Variants in AP1M1 observed in about 807,000 individuals in gnomAD.
AP1M1 encodes the protein adaptor related protein complex 1 subunit mu 1.
AP1M1 carries 18 observed loss-of-function variants against 57.1 expected under a neutral mutation model. That is an observed-to-expected ratio of 0.32 (90% CI 0.22 to 0.47). The LOEUF (loss-of-function observed/expected upper bound fraction) is 0.47. Among genes scored for constraint, AP1M1 ranks in the 20% least tolerant of loss-of-function variants. The probability of loss-of-function intolerance (pLI) is 1.00; values close to 1 mark genes in which losing one functional copy is unlikely to be tolerated. For missense variants in AP1M1, 362 were observed against 593.5 expected, an observed-to-expected ratio of 0.61 and a Z score of 4.05; for synonymous variants, 241 against 237.9, an observed-to-expected ratio of 1.01 and a Z score of -0.12.
At chr19:16,217,984 A>G (rs532131511) in intron 5 of AP1M1, among the ~76,000 whole-genome samples, 1 of 152,218 alleles carries the variant, frequency 6.6e-6, no homozygotes, top group Non-Finnish European at 1.5e-5. Flanking sequence ...TCAGTTTGCC[A>G]TTGCCGTGGC....
intron 11 of AP1M1, 43 bp from the exon 12 acceptor site, chr19:16,234,370 G>A (rs1372779481): frequency 6.2e-7 from 1 of 1,613,828 alleles, no homozygotes; most frequent in African/African-American, 1.3e-5. Flanking sequence ...CGAAAGCAGG[G>A]AGGGTGCAGA....
intron 5 of AP1M1, among the ~76,000 whole-genome samples, chr19:16,218,454 A>G (rs1599460323): frequency 6.6e-6 from 1 of 151,630 alleles, no homozygotes; most frequent in Non-Finnish European, 1.5e-5. Flanking sequence ...AGTTCAATTC[A>G]CCCCCTCCAC....
At chr19:16,232,691 T>C (rs2091604209) in intron 9 of AP1M1, among the ~76,000 whole-genome samples, 1 of 152,192 alleles carries the variant, frequency 6.6e-6, no homozygotes, top group South Asian at 2.1e-4. Context: ...GGACCGCCCC[T>C]GCTGTGAGGC....
rs979114250 is a variant in AP1M1 at position 16,244,624 on chromosome 19, A to C, written c.*10189A>C. 3 of 152,044 alleles carry C rather than the reference A, an allele frequency of 2.0e-5. No individual in the cohort carries two copies. Among genetic ancestry groups the C allele is most frequent in the Non-Finnish European group, 4.4e-5 (3 of 68,030 alleles). The allele number at this position is 152,044 out of a possible 1,614,324, so 9.4% of individuals were successfully genotyped here. A position where few individuals can be genotyped will look rare whatever the true frequency, so the allele number is the denominator to read the frequency against. ...GGCGGGCGGATCACGAGGTCAGGAGATCGAGACCATCCTGGCTAACACGGT... is the reference window on the plus strand; with the variant it reads ...GGCGGGCGGATCACGAGGTCAGGAGCTCGAGACCATCCTGGCTAACACGGT... On this transcript the variant is annotated 3_prime_UTR_variant, in exon 12 of 12. Transcript: ENST00000291439.
At chr19:16,234,392 C>G in intron 11 of AP1M1, 21 bp from the exon 12 acceptor site, 1 of 1,613,958 alleles carries the variant, frequency 6.2e-7, no homozygotes, top group Non-Finnish European at 8.5e-7. Context: ...CCCAGCATGA[C>G]GCCTCCCTCC....
rs952827546 is a variant in AP1M1 at position 16,237,917 on chromosome 19, C to T, written c.*3482C>T. On this transcript the variant is annotated 3_prime_UTR_variant, in exon 12 of 12. Transcript: ENST00000291439. Reference sequence around the variant, plus strand: ...AGTGCAGTGGCGTGATCACGGCTCACTGCAGCCTCGAGCTGCCAGGCTCAG... The same window carrying T: ...AGTGCAGTGGCGTGATCACGGCTCATTGCAGCCTCGAGCTGCCAGGCTCAG... The T allele has an allele frequency of 6.6e-6, 1 of 151,984 alleles. No homozygotes were observed. Among genetic ancestry groups the T allele is most frequent in the African/African-American group, 2.4e-5 (1 of 41,400 alleles). 9.4% of individuals were successfully genotyped at this position (151,984 alleles called of 1,614,324 possible).
At position 16,203,297 on chromosome 19, in the gene AP1M1, G is replaced by A. The variant is rs1047516597; in HGVS notation, c.43-162G>A. 5.9e-5 allele frequency among the ~76,000 whole-genome samples: 9 copies of A among 152,210 alleles called. No homozygotes were observed. Among genetic ancestry groups the A allele is most frequent in the African/African-American group, 1.9e-4 (8 of 41,454 alleles). On this transcript the variant is annotated intron_variant, in intron 1 of 11. Coordinates refer to ENST00000291439, the MANE Select transcript of AP1M1 (RefSeq NM_032493.4). This position sits in a 1 kb window ranked among gnomAD's most constrained non-coding sequence, Gnocchi z 4.6. ...TGCTCTTCTCCAGGAATTCCCTGGG[G>A]GATGGAGATCAGAACGGCCTCAAGT...
intron 1 of AP1M1, among the ~76,000 whole-genome samples, chr19:16,200,454 C>T (rs1277651123): frequency 6.6e-6 from 1 of 152,146 alleles, no homozygotes; most frequent in Non-Finnish European, 1.5e-5. Context: ...GTGAGGAGAC[C>T]GTAGCCCAGA....
intron 2 of AP1M1, among the ~76,000 whole-genome samples, chr19:16,205,304 C>G (rs966737118): frequency 2.0e-5 from 3 of 152,192 alleles, no homozygotes; most frequent in Non-Finnish European, 4.4e-5. Flanking sequence ...GCTCACCCCT[C>G]TGGCTTAGTG....
chr19:16,212,429 G>C (rs1042410973), intron 5 of AP1M1, among the ~76,000 whole-genome samples: 3 of 152,168 alleles, frequency 2.0e-5, no homozygotes, highest in African/African-American at 4.8e-5. Context: ...TTGTAGTTCT[G>C]TGGGGTCAAT....
intron 5 of AP1M1, among the ~76,000 whole-genome samples, chr19:16,220,563 G>A (rs1179756022): frequency 2.0e-5 from 3 of 152,094 alleles, no homozygotes; most frequent in African/African-American, 7.2e-5. Flanking sequence ...GGTAATTTTT[G>A]TATTTTTGGT....
intron 2 of AP1M1, among the ~76,000 whole-genome samples, chr19:16,205,698 C>T (rs2091466678): frequency 6.6e-6 from 1 of 152,200 alleles, no homozygotes; most frequent in African/African-American, 2.4e-5. Flanking sequence ...ATAGGAAGCG[C>T]CCAGCACACA....
rs376660303 is a variant in AP1M1 at position 16,206,338 on chromosome 19, C to T, written c.200-3C>T. ...ATGCTCCTTAACTGTGGCCGCCATG[C>T]AGTGGTTGCCACATCCAAGAAGAAC... On this transcript the variant is annotated splice_polypyrimidine_tract_variant and splice_region_variant and intron_variant, in intron 2 of 11. Transcript: ENST00000291439. This position sits in a 1 kb window ranked among gnomAD's most constrained non-coding sequence, Gnocchi z 4.3. The T allele has an allele frequency of 4.3e-6, 7 of 1,614,106 alleles. No homozygotes were observed. The African/African-American group carries it at 8.0e-5, about 18-fold the overall frequency.
intron 5 of AP1M1, among the ~76,000 whole-genome samples, chr19:16,210,167 T>C (rs2091487739): frequency 6.6e-6 from 1 of 152,250 alleles, no homozygotes; most frequent in Non-Finnish European, 1.5e-5. Flanking sequence ...TCTAATTCTT[T>C]GCGATTCATC....
chr19:16,226,733 G>C, intron 6 of AP1M1, 186 bp downstream of exon 6: 1 of 771,784 alleles, frequency 1.3e-6, no homozygotes, highest in Non-Finnish European at 1.9e-6. Context: ...AGAAGGTGCA[G>C]GGGAGTGAAG....
rs561115695 is a variant in AP1M1 at position 16,226,770 on chromosome 19, C to T, written c.673+223C>T. 1.4e-3 allele frequency: 768 copies of T among 550,188 alleles called. 2 individuals are homozygous for T. Among genetic ancestry groups the T allele is most frequent in the Non-Finnish European group, 1.8e-3 (605 of 328,776 alleles). 34.1% of individuals were successfully genotyped at this position (550,188 alleles called of 1,614,324 possible). A position where few individuals can be genotyped will look rare whatever the true frequency, so the allele number is the denominator to read the frequency against. ...TCCTCCAGTCCAGCTGGGAGGCCCC[C>T]GTCACCCGGCCTCACACGCCAGGTC... On this transcript the variant is annotated intron_variant, in intron 6 of 11. Coordinates refer to ENST00000291439, the MANE Select transcript of AP1M1 (RefSeq NM_032493.4).
chr19:16,221,325 G>A (rs1213182312), intron 5 of AP1M1, among the ~76,000 whole-genome samples: 2 of 152,182 alleles, frequency 1.3e-5, no homozygotes, highest in Non-Finnish European at 1.5e-5. Flanking sequence ...TCTCAGCAAG[G>A]CAAATTTACT....
In AP1M1 at chr19:16,240,957, C is replaced by T. The variant is rs1202731506; in HGVS notation, c.*6522C>T. ...TTTCACAACTGGAACAACAAAAGTC[C>T]GAAGATAGAGCATGGCTTCAAATTA... On this transcript the variant is annotated 3_prime_UTR_variant, in exon 12 of 12. Coordinates refer to ENST00000291439, the MANE Select transcript of AP1M1 (RefSeq NM_032493.4). 3.3e-5 allele frequency: 5 copies of T among 152,224 alleles called. No individual in the cohort carries two copies. The highest frequency in any genetic ancestry group is 3.4e-3 in the Middle Eastern group (1 of 294). 9.4% of individuals were successfully genotyped at this position (152,224 alleles called of 1,614,324 possible).
Position 16,243,740 on chromosome 19 carries a change from G to A in AP1M1, c.*9305G>A, listed in dbSNP as rs1035323323. 4 of 151,852 alleles carry A rather than the reference G, an allele frequency of 2.6e-5. No individual in the cohort carries two copies. Among genetic ancestry groups the A allele is most frequent in the Non-Finnish European group, 2.9e-5 (2 of 68,000 alleles). The allele number at this position is 151,852 out of a possible 1,614,324, so 9.4% of individuals were successfully genotyped here. ...GTGAATCACTTGAGCTCAGGAGTTC[G>A]AGACCAGCCTGGCCAACATGGCGAA... is the stretch of plus-strand genomic sequence containing the variant. On this transcript the variant is annotated 3_prime_UTR_variant, in exon 12 of 12. Coordinates refer to ENST00000291439, the MANE Select transcript of AP1M1 (RefSeq NM_032493.4).
Sources: allele counts gnomAD v4.1 joint callset (sites outside exome capture counted in the v4.1 genomes callset), GRCh38; gene constraint gnomAD v4.1.1; non-coding constraint Gnocchi (gnomAD v3.1); transcripts MANE v1.5; gene names NCBI Gene and HGNC (gene_info 2026-07-23, HGNC 2026-07-21).